The following MINDY2 variants were observed in gnomAD, a reference collection of about 807,000 sequenced individuals.
MINDY2 encodes MINDY lysine 48 deubiquitinase 2, also known as ubiquitin carboxyl-terminal hydrolase MINDY-2.
MINDY2 carries 52 observed loss-of-function variants against 68.2 expected under a neutral mutation model. That is an observed-to-expected ratio of 0.76 (90% CI 0.61 to 0.96). The LOEUF is 0.96. Ranked by LOEUF, MINDY2 falls within the 40% of genes least tolerant of loss-of-function variation. The pLI, the probability that MINDY2 is intolerant of heterozygous loss-of-function variation, is 0.00. For missense variants in MINDY2, 881 were observed against 773.4 expected (o/e 1.14, Z -1.65); for synonymous variants, 372 against 303.0 (o/e 1.23, Z -2.36).
At chr15:58,853,735 C>T (rs574571905) in intron 8 of MINDY2, among the ~76,000 whole-genome samples, 72 of 147,802 alleles carry the variant, frequency 4.9e-4, no homozygotes, top group Admixed American at 1.1e-3. Context: ...GCAGGAGAAT[C>T]GCTTGAACCT....
intron 3 of MINDY2, among the ~76,000 whole-genome samples, chr15:58,802,837 G>C (rs1191115519): frequency 6.6e-6 from 1 of 152,124 alleles, no homozygotes; most frequent in African/African-American, 2.4e-5. Context: ...CACATTTCTT[G>C]GCATGTTCTT....
chr15:58,806,151 A>G (rs1385233461), intron 3 of MINDY2, among the ~76,000 whole-genome samples: 1 of 152,166 alleles, frequency 6.6e-6, no homozygotes, highest in Non-Finnish European at 1.5e-5. Flanking sequence ...TCAGCTCAGT[A>G]CAACTTCCGC....
At chr15:58,829,120 G>C (rs1374887088) in intron 5 of MINDY2, among the ~76,000 whole-genome samples, 2 of 152,156 alleles carry the variant, frequency 1.3e-5, no homozygotes, top group African/African-American at 4.8e-5. Flanking sequence ...AACACTTACA[G>C]TTGTTTTCCA....
chr15:58,782,911 G>T (rs1417610715), intron 1 of MINDY2, among the ~76,000 whole-genome samples: 127 of 64,412 alleles, frequency 2.0e-3, no homozygotes, highest in East Asian at 4.1e-3. Flanking sequence ...TTTTCTCTCT[G>T]TTTTTTTTTT....
chr15:58,834,768 T>C (rs1270909823), intron 6 of MINDY2, among the ~76,000 whole-genome samples: 1 of 152,240 alleles, frequency 6.6e-6, no homozygotes, highest in African/African-American at 2.4e-5. Context: ...TCTTCAACAC[T>C]TTAGTCAATG....
intron 4 of MINDY2, among the ~76,000 whole-genome samples, chr15:58,812,231 T>G (rs1595739137): frequency 6.7e-6 from 1 of 148,746 alleles, no homozygotes; most frequent in Admixed American, 6.8e-5. Context: ...AAGTCAGGAG[T>G]TCGAGATCAG....
intron 1 of MINDY2, among the ~76,000 whole-genome samples, chr15:58,787,140 C>CTTTT (rs58374538): frequency 4.5e-4 from 35 of 78,148 alleles, no homozygotes; most frequent in Middle Eastern, 0.015. Flanking sequence ...CATTTCTTTA[C>CTTTT]TTTTTTTTTT....
intron 6 of MINDY2, among the ~76,000 whole-genome samples, chr15:58,841,592 A>T (rs1415632043): frequency 6.6e-6 from 1 of 151,448 alleles, no homozygotes; most frequent in Non-Finnish European, 1.5e-5. Flanking sequence ...TTTAGTAGAG[A>T]CACAGTTTCA....
chr15:58,776,035 T>C (rs1460722623), intron 1 of MINDY2, among the ~76,000 whole-genome samples: 1 of 152,040 alleles, frequency 6.6e-6, no homozygotes, highest in Middle Eastern at 3.2e-3. Context: ...TAATTTTGTA[T>C]TTTTAGTACA....
intron 5 of MINDY2, among the ~76,000 whole-genome samples, chr15:58,827,244 A>T (rs751374749): frequency 6.6e-6 from 1 of 152,174 alleles, no homozygotes; most frequent in Admixed American, 6.5e-5. Context: ...CTGTGATATT[A>T]TTCTTTGAAC....
At position 58,851,890 on chromosome 15, in the gene MINDY2, C is replaced by G; in HGVS notation, c.1662C>G (p.Asp554Glu). Residue 554 changes from aspartate to glutamate, a missense_variant, in exon 8 of 9, where the codon GAC (aspartate) becomes GAG (glutamate). Coordinates refer to ENST00000559228, the MANE Select transcript of MINDY2 (RefSeq NM_001040450.3). Reference sequence around the variant, plus strand: ...CAAAGAAACTCCAAGAGGAAGAGGACAGACGGGCTTCTCAATACTATCAGG... The same window carrying G: ...CAAAGAAACTCCAAGAGGAAGAGGAGAGACGGGCTTCTCAATACTATCAGG... ...ELAKKLQEEE[D>E]RRASQYYQEQ... 1 of 1,613,158 alleles carries G rather than the reference C, an allele frequency of 6.2e-7. No homozygotes were observed. The highest frequency in any genetic ancestry group is 8.5e-7 in the Non-Finnish European group (1 of 1,179,774).
chr15:58,853,820 A>T (rs1055425742), intron 8 of MINDY2, among the ~76,000 whole-genome samples: 47 of 15,212 alleles, frequency 3.1e-3, no homozygotes, highest in Non-Finnish European at 3.2e-3. Context: ...CCATCTCAAT[A>T]AAAAAAAAAA....
intron 2 of MINDY2, among the ~76,000 whole-genome samples, chr15:58,801,836 C>A (rs1289310745): frequency 1.3e-5 from 2 of 152,076 alleles, no homozygotes; most frequent in African/African-American, 4.8e-5. Context: ...GTTGGCCAGG[C>A]TGAACTCCTG....
At chr15:58,836,955 T>G (rs533293928) in intron 6 of MINDY2, among the ~76,000 whole-genome samples, 1 of 152,280 alleles carries the variant, frequency 6.6e-6, no homozygotes, top group South Asian at 2.1e-4. Flanking sequence ...AAAGCACGTC[T>G]TCTTCACTGA....
chr15:58,798,258 A>G (rs1902411515), intron 2 of MINDY2, among the ~76,000 whole-genome samples: 1 of 151,164 alleles, frequency 6.6e-6, no homozygotes. Context: ...CTGGGATTAC[A>G]GGCGCCCGCC....
chr15:58,827,560 TTCA>T (rs1252083183), intron 5 of MINDY2, among the ~76,000 whole-genome samples: 14 of 152,090 alleles, frequency 9.2e-5, no homozygotes, highest in African/African-American at 3.1e-4. Flanking sequence ...GCCTTCCGGG[TTCA>T]TGCCGTTCTC....
At chr15:58,849,228 C>T (rs556091566) in intron 7 of MINDY2, among the ~76,000 whole-genome samples, 3 of 149,336 alleles carry the variant, frequency 2.0e-5, no homozygotes, top group Non-Finnish European at 4.4e-5. Flanking sequence ...AAAGGCTGGG[C>T]ACGGTGGCTC....
chr15:58,808,840 G>A (rs1595735183), intron 3 of MINDY2, among the ~76,000 whole-genome samples: 2 of 152,118 alleles, frequency 1.3e-5, no homozygotes, highest in Non-Finnish European at 1.5e-5. Flanking sequence ...TCCTGACCTC[G>A]TGATCCACCC....
intron 1 of MINDY2, among the ~76,000 whole-genome samples, chr15:58,784,035 A>G (rs1432622020): frequency 1.3e-5 from 2 of 151,880 alleles, no homozygotes; most frequent in African/African-American, 2.4e-5. Flanking sequence ...TATATTAATA[A>G]TTTTCCAGGG....
Sources: gnomAD v4.1 joint callset for allele counts (sites outside exome capture counted in the v4.1 genomes callset) on GRCh38, gnomAD v4.1.1 for gene constraint, MANE v1.5 for transcripts, NCBI Gene and HGNC (gene_info 2026-07-23, HGNC 2026-07-21) for gene names.